Variants in LRMDA observed in about 807,000 individuals in gnomAD.
The protein encoded by LRMDA is leucine-rich melanocyte differentiation-associated protein.
Under a neutral mutation model 29.8 loss-of-function variants are expected in LRMDA, and 18 were observed. The observed-to-expected ratio is 0.60, with a 90% CI of 0.42 to 0.90. The LOEUF (loss-of-function observed/expected upper bound fraction) is 0.90. Among genes scored for constraint, LRMDA ranks in the 40% least tolerant of loss-of-function variants. The probability of loss-of-function intolerance (pLI) is 0.00; values close to 1 mark genes in which losing one functional copy is unlikely to be tolerated. For synonymous variants in LRMDA, 125 were observed against 109.4 expected, an observed-to-expected ratio of 1.14 and a Z score of -0.89; for missense variants, 273 against 273.9, an observed-to-expected ratio of 1.00 and a Z score of 0.02.
intron 2 of LRMDA, among the ~76,000 whole-genome samples, chr10:75,888,660 A>G (rs1255000150): frequency 6.6e-6 from 1 of 152,202 alleles, no homozygotes; most frequent in African/African-American, 2.4e-5. Flanking sequence ...AGATTATTTC[A>G]TTATATCCAA....
chr10:75,509,697 T>A (rs1845206536), intron 2 of LRMDA, among the ~76,000 whole-genome samples: 1 of 152,256 alleles, frequency 6.6e-6, no homozygotes, highest in African/African-American at 2.4e-5. Context: ...TTTCTCTTCA[T>A]TTAATGCTTA....
rs7898639 is a variant in LRMDA at position 75,516,024 on chromosome 10, A to G, written c.131+77530A>G. Among the ~76,000 whole-genome samples, 1,154 of 152,260 alleles carry G rather than the reference A, an allele frequency of 7.6e-3. 7 individuals carry two copies. Among genetic ancestry groups the G allele is most frequent in the Non-Finnish European group, 0.011 (771 of 68,014 alleles). On this transcript the variant is annotated intron_variant, in intron 2 of 6. Coordinates refer to ENST00000611255, the MANE Select transcript of LRMDA (RefSeq NM_001305581.2). ...CCAGCTTCATCCATGTCCCTGCAAA[A>G]GACATGAACTCATCCTTTTTTATGC...
rs1046392672 is a variant in LRMDA at position 75,852,245 on chromosome 10, G to GA, written c.132-183757dup. 9.9e-4 allele frequency among the ~76,000 whole-genome samples: 151 copies of GA among 152,202 alleles called. 1 individual carries two copies. Among genetic ancestry groups the GA allele is most frequent in the African/African-American group, 3.4e-3 (142 of 41,528 alleles). ...TGAAAACCAAGATTTTAAAAGTTGA[G>GA]AAAAAATAGAGATTGAAAACTCTGA... On this transcript the variant is annotated intron_variant, in intron 2 of 6. Coordinates refer to ENST00000611255, the MANE Select transcript of LRMDA (RefSeq NM_001305581.2).
At chr10:76,361,920 A>G (rs951747915) in intron 6 of LRMDA, among the ~76,000 whole-genome samples, 6 of 152,298 alleles carry the variant, frequency 3.9e-5, no homozygotes, top group Admixed American at 3.3e-4. Context: ...CAAAAGTTAA[A>G]TGCAGGGAGA....
chr10:76,070,481 G>A (rs1271715708), intron 5 of LRMDA, among the ~76,000 whole-genome samples: 1 of 152,172 alleles, frequency 6.6e-6, no homozygotes, highest in Non-Finnish European at 1.5e-5. Context: ...TAAAGAAAGA[G>A]AAGGAGATCT....
At chr10:75,725,475 A>G (rs1214104566) in intron 2 of LRMDA, among the ~76,000 whole-genome samples, 2 of 152,170 alleles carry the variant, frequency 1.3e-5, no homozygotes, top group Non-Finnish European at 2.9e-5. Flanking sequence ...CTGGTAATTG[A>G]TTTATAATTT....
At chr10:75,539,524 G>A (rs775757176) in intron 2 of LRMDA, among the ~76,000 whole-genome samples, 13 of 152,040 alleles carry the variant, frequency 8.6e-5, no homozygotes, top group Admixed American at 2.0e-4. Flanking sequence ...TATAAGCCTC[G>A]GTTTGGTGCA....
chr10:76,473,566 G>A (rs1293335166), intron 6 of LRMDA, among the ~76,000 whole-genome samples: 3 of 150,446 alleles, frequency 2.0e-5, no homozygotes, highest in African/African-American at 7.3e-5. Context: ...AAAGAAAGAA[G>A]TAATAGTATT....
chr10:75,947,885 A>G (rs1846503882), intron 2 of LRMDA, among the ~76,000 whole-genome samples: 1 of 152,080 alleles, frequency 6.6e-6, no homozygotes, highest in South Asian at 2.1e-4. Flanking sequence ...CGTTGTTTCA[A>G]TGTTCTTGCT....
At chr10:75,592,415 TCA>T (rs1840734416) in intron 2 of LRMDA, among the ~76,000 whole-genome samples, 1 of 152,220 alleles carries the variant, frequency 6.6e-6, no homozygotes, top group African/African-American at 2.4e-5. Context: ...AATAAAGTCT[TCA>T]CAGTCTCATT....
At chr10:75,841,002 G>A (rs1011548776) in intron 2 of LRMDA, among the ~76,000 whole-genome samples, 1 of 152,212 alleles carries the variant, frequency 6.6e-6, no homozygotes, top group African/African-American at 2.4e-5. Context: ...ACCCATCTGA[G>A]TTAAAATTGC....
intron 2 of LRMDA, among the ~76,000 whole-genome samples, chr10:75,781,055 C>T (rs1048111771): frequency 1.3e-5 from 2 of 152,170 alleles, no homozygotes; most frequent in Non-Finnish European, 2.9e-5. Context: ...CCGAAGTGAC[C>T]CACTCTTCCT....
chr10:75,958,944 C>T lies in LRMDA; in HGVS notation c.132-77064C>T, dbSNP rs538580291. ...TTCCCCATATACAACCATCAGATCT[C>T]GTGAGACTTACTACCGCGAGAACAG... On this transcript the variant is annotated intron_variant, in intron 2 of 6. Coordinates refer to ENST00000611255, the MANE Select transcript of LRMDA (RefSeq NM_001305581.2). 1.9e-3 allele frequency among the ~76,000 whole-genome samples: 296 copies of T among 152,232 alleles called. 3 individuals carry two copies. The highest frequency in any genetic ancestry group is 7.0e-3 in the African/African-American group (290 of 41,532).
intron 2 of LRMDA, among the ~76,000 whole-genome samples, chr10:76,031,515 C>T (rs921488484): frequency 2.0e-5 from 3 of 152,106 alleles, no homozygotes; most frequent in Non-Finnish European, 4.4e-5. Context: ...GAGGCAGTAC[C>T]GAGCCCTCAC....
intron 5 of LRMDA, among the ~76,000 whole-genome samples, chr10:76,117,499 A>G (rs1028223377): frequency 1.3e-5 from 2 of 152,206 alleles, no homozygotes; most frequent in Non-Finnish European, 2.9e-5. Flanking sequence ...AATTATGGAT[A>G]AATAAATGTT....
intron 2 of LRMDA, among the ~76,000 whole-genome samples, chr10:75,859,473 A>G (rs981962665): frequency 8.5e-5 from 13 of 152,138 alleles, no homozygotes; most frequent in African/African-American, 3.1e-4. Context: ...CAAATTTGAA[A>G]AATAATTTCA....
chr10:76,506,798 A>T (rs1842963856), intron 6 of LRMDA, among the ~76,000 whole-genome samples: 1 of 151,738 alleles, frequency 6.6e-6, no homozygotes, highest in Non-Finnish European at 1.5e-5. Flanking sequence ...GAATGACAGG[A>T]TTTCATTCTT....
In LRMDA at chr10:76,501,159, T is replaced by C. The variant is rs1259883787; in HGVS notation, c.602-56050T>C. On this transcript the variant is annotated intron_variant, in intron 6 of 6. Coordinates refer to ENST00000611255, the MANE Select transcript of LRMDA (RefSeq NM_001305581.2). ...GGTTTTCTGGTCCTGCATTATTTTG[T>C]TTAGGATTAGCCTGCCGCTGTATCC... 4.7e-5 allele frequency among the ~76,000 whole-genome samples: 3 copies of C among 64,428 alleles called. 1 individual carries two copies. Among genetic ancestry groups the C allele is most frequent in the East Asian group, 5.6e-4 (2 of 3,582 alleles). 42.3% of individuals were successfully genotyped at this position (64,428 alleles called of 152,430 possible).
chr10:75,971,148 G>A (rs1414138815), intron 2 of LRMDA, among the ~76,000 whole-genome samples: 2 of 152,188 alleles, frequency 1.3e-5, no homozygotes, highest in African/African-American at 4.8e-5. Context: ...CTGCCATGTA[G>A]AGATATTGGT....
Sources: allele counts gnomAD v4.1 joint callset (sites outside exome capture counted in the v4.1 genomes callset), GRCh38; gene constraint gnomAD v4.1.1; transcripts MANE v1.5; gene names NCBI Gene and HGNC (gene_info 2026-07-23, HGNC 2026-07-21).